CCDC27: variants seen among roughly 807,000 people sequenced by gnomAD.
CCDC27 encodes the protein coiled-coil domain containing 27, also known as coiled-coil domain-containing protein 27.
CCDC27 carries 80 observed loss-of-function variants against 80.3 expected under a neutral mutation model. That is an observed-to-expected ratio of 1.00 (90% CI 0.83 to 1.20). CCDC27 has a LOEUF of 1.20. CCDC27 is among the 50% of genes most tolerant of loss of function. CCDC27 has a pLI of 0.00. For missense variants in CCDC27, 815 were observed against 809.4 expected, an observed-to-expected ratio of 1.01 and a Z score of -0.08; for synonymous variants, 342 against 334.3, an observed-to-expected ratio of 1.02 and a Z score of -0.25.
chr1:3,753,975 T>TG, intron 1 of CCDC27, 143 bp from the exon 2 acceptor site: 3 of 1,161,726 alleles, frequency 2.6e-6, no homozygotes, highest in Non-Finnish European at 3.6e-6. Context: ...GTCCTGGGTG[T>TG]GGGGTCTGCA....
chr1:3,766,642 G>A lies in CCDC27; in HGVS notation c.1530+30G>A, dbSNP rs1371358979. The A allele has an allele frequency of 2.5e-6, 4 of 1,570,374 alleles. No homozygotes were observed. The highest frequency in any genetic ancestry group is 1.4e-5 in the African/African-American group (1 of 73,974). On this transcript the variant is annotated intron_variant, in intron 9 of 11. Coordinates refer to ENST00000294600, the MANE Select transcript of CCDC27 (RefSeq NM_152492.3). The surrounding 1 kb of genome is among the most constrained non-coding windows in gnomAD (Gnocchi z 6.1). Reference sequence around the variant, plus strand: ...CAGCCTGGGTGTCGTTAAATGATCAGCCAGGCCACTGTTCTTACTGTAAGT... The same window carrying A: ...CAGCCTGGGTGTCGTTAAATGATCAACCAGGCCACTGTTCTTACTGTAAGT...
intron 4 of CCDC27, 74 bp downstream of exon 4, chr1:3,756,964 C>T: frequency 4.0e-6 from 6 of 1,505,108 alleles, no homozygotes; most frequent in Non-Finnish European, 5.4e-6. Flanking sequence ...CAGCCCTGCT[C>T]CCTGACAGGC....
intron 4 of CCDC27, chr1:3,757,121 C>T: frequency 2.3e-6 from 1 of 436,334 alleles, no homozygotes; most frequent in Non-Finnish European, 4.2e-6. Context: ...CTCAGACTCA[C>T]CGGCACGCAT....
chr1:3,759,912 T>C (rs1284127680), intron 4 of CCDC27, among the ~76,000 whole-genome samples: 1 of 152,216 alleles, frequency 6.6e-6, no homozygotes, highest in Non-Finnish European at 1.5e-5. Context: ...AGGTCATGCG[T>C]ATGAACCATC....
rs539222201 is a variant in CCDC27 at position 3,768,203 on chromosome 1, T to C, written c.1743+758T>C. ...TTGGCCTCCCAGGCTCAAGCTGTCG[T>C]CATCCCACCTCAGCCTCCTGAGTAG... On this transcript the variant is annotated intron_variant, in intron 10 of 11. Transcript: ENST00000294600. The surrounding 1 kb of genome is among the most constrained non-coding windows in gnomAD (Gnocchi z 5.6). Among the ~76,000 whole-genome samples, 10 of 150,964 alleles carry C rather than the reference T, an allele frequency of 6.6e-5. No individual in the cohort carries two copies. The East Asian group carries it at 2.0e-3, about 30-fold the overall frequency.
In CCDC27 at chr1:3,763,248, G is replaced by A; in HGVS notation, c.1095G>A (p.Val365=). ...AWGGVSQMGS[V]HEEGSEEEEE... ...GAGGTGTGAGCCAGATGGGATCCGTGCATGAGGAGGGAAGCGAGGAGGAGG... is the reference window on the plus strand; with the variant it reads ...GAGGTGTGAGCCAGATGGGATCCGTACATGAGGAGGGAAGCGAGGAGGAGG... The change falls in exon 7 of 12, where the codon GTG becomes GTA. Residue 365 remains valine (V), a synonymous_variant. Transcript: ENST00000294600. The surrounding 1 kb of genome is among the most constrained non-coding windows in gnomAD (Gnocchi z 7.5). 1 of 1,568,582 alleles carries A rather than the reference G, an allele frequency of 6.4e-7. No individual in the cohort carries two copies. The highest frequency in any genetic ancestry group is 1.2e-5 in the South Asian group (1 of 85,488).
chr1:3,769,326 T>C lies in CCDC27; in HGVS notation c.1744-457T>C, dbSNP rs769462968. On this transcript the variant is annotated intron_variant, in intron 10 of 11. Coordinates refer to ENST00000294600, the MANE Select transcript of CCDC27 (RefSeq NM_152492.3). This position sits in a 1 kb window ranked among gnomAD's most constrained non-coding sequence, Gnocchi z 4.6. ...TGGCACAGACACCTCCTAGTCAGCA[T>C]GGAAAGGAGGAAGCACCAGCAGCGC... 4.6e-5 allele frequency among the ~76,000 whole-genome samples: 7 copies of C among 152,164 alleles called. No homozygotes were observed. Among genetic ancestry groups the C allele is most frequent in the South Asian group, 2.1e-4 (1 of 4,832 alleles).
chr1:3,767,034 TTTCACCA>T (rs769219225), intron 9 of CCDC27, among the ~76,000 whole-genome samples, 192 bp from the exon 10 acceptor site: 5 of 151,962 alleles, frequency 3.3e-5, no homozygotes, highest in African/African-American at 7.3e-5. Flanking sequence ...AGAGACAGGG[TTTCACCA>T]TGTTGGTCAG....
intron 4 of CCDC27, among the ~76,000 whole-genome samples, chr1:3,757,974 C>G (rs895708169): frequency 6.6e-6 from 1 of 151,748 alleles, no homozygotes; most frequent in African/African-American, 2.4e-5. Context: ...AGGCAGGTCT[C>G]GAACTCCTGG....
At position 3,769,952 on chromosome 1, in the gene CCDC27, G is replaced by A. The variant is rs1570723911; in HGVS notation, c.1848+65G>A. Reference sequence around the variant, plus strand: ...ACCCCCAGGCCAGAGCTGTGGTAGGGGGTTGTGGGGGGCCTAGATTCCAGG... The same window carrying A: ...ACCCCCAGGCCAGAGCTGTGGTAGGAGGTTGTGGGGGGCCTAGATTCCAGG... On this transcript the variant is annotated intron_variant, in intron 11 of 11. Coordinates refer to ENST00000294600, the MANE Select transcript of CCDC27 (RefSeq NM_152492.3). The surrounding 1 kb of genome is among the most constrained non-coding windows in gnomAD (Gnocchi z 4.6). The A allele has an allele frequency of 2.6e-6, 3 of 1,143,276 alleles. No homozygotes were observed. The highest frequency in any genetic ancestry group is 4.7e-5 in the East Asian group (2 of 42,740). The allele number at this position is 1,143,276 out of a possible 1,614,324, so 70.8% of individuals were successfully genotyped here. A position where few individuals can be genotyped will look rare whatever the true frequency, so the allele number is the denominator to read the frequency against.
chr1:3,767,393 T>C lies in CCDC27; in HGVS notation c.1691T>C (p.Ile564Thr), dbSNP rs146757641. The change falls in exon 10 of 12, where the codon ATT becomes ACT. Residue 564 changes from isoleucine to threonine, a missense_variant. Transcript: ENST00000294600. ...QEDLQSKKEM[I>T]QQAEQHTRVA... The stretch of plus-strand genomic sequence containing the variant: ...GATTTGCAGAGCAAGAAGGAGATGA[T>C]TCAGCAGGCAGAGCAGCACACCCGC... 59 of 1,613,654 alleles carry C rather than the reference T, an allele frequency of 3.7e-5. No individual in the cohort carries two copies. Among genetic ancestry groups the C allele is most frequent in the Admixed American group, 5.0e-5 (3 of 60,012 alleles).
intron 1 of CCDC27, 73 bp from the exon 2 acceptor site, chr1:3,754,045 G>A (rs1642890411): frequency 1.2e-5 from 19 of 1,572,714 alleles, no homozygotes; most frequent in Non-Finnish European, 1.6e-5. Context: ...TAGGGAAACA[G>A]GGTCTGCCCT....
Position 3,763,212 on chromosome 1 carries a change from G to A in CCDC27, c.1059G>A (p.Thr353=), listed in dbSNP as rs750596926. Residue 353 remains threonine, a synonymous_variant, in exon 7 of 12, where the codon ACG becomes ACA. Coordinates refer to ENST00000294600, the MANE Select transcript of CCDC27 (RefSeq NM_152492.3). This position sits in a 1 kb window ranked among gnomAD's most constrained non-coding sequence, Gnocchi z 7.5. ...GGGAGCCCGATGGGGTGGAGGACAC[G>A]GGTGCCTGGGGAGGTGTGAGCCAGA... is the stretch of plus-strand genomic sequence containing the variant. ...LEGEPDGVED[T]GAWGGVSQMG... 29 of 1,536,082 alleles carry A rather than the reference G, an allele frequency of 1.9e-5. No individual in the cohort carries two copies. Among genetic ancestry groups the A allele is most frequent in the Middle Eastern group, 1.7e-4 (1 of 5,736 alleles).
rs565221821 is a variant in CCDC27, at chr1:3,766,691, G to A, written c.1530+79G>A. On this transcript the variant is annotated intron_variant, in intron 9 of 11. Coordinates refer to ENST00000294600, the MANE Select transcript of CCDC27 (RefSeq NM_152492.3). This position sits in a 1 kb window ranked among gnomAD's most constrained non-coding sequence, Gnocchi z 6.1. ...GTCCCAACACAGCAAAGGGCAAGAC[G>A]GGGCTGGAGCGTCTTCACAGCTGAG... 20 of 1,219,386 alleles carry A rather than the reference G, an allele frequency of 1.6e-5. No homozygotes were observed. Among genetic ancestry groups the A allele is most frequent in the Middle Eastern group, 2.1e-4 (1 of 4,854 alleles). The allele number at this position is 1,219,386 out of a possible 1,614,324, so 75.5% of individuals were successfully genotyped here.
chr1:3,763,064 G>T lies in CCDC27; in HGVS notation c.955-44G>T. The T allele has an allele frequency of 6.9e-7, 1 of 1,451,158 alleles. No homozygotes were observed. The highest frequency in any genetic ancestry group is 9.1e-7 in the Non-Finnish European group (1 of 1,101,000). 89.9% of individuals were successfully genotyped at this position (1,451,158 alleles called of 1,614,324 possible). A position where few individuals can be genotyped will look rare whatever the true frequency, so the allele number is the denominator to read the frequency against. On this transcript the variant is annotated intron_variant, in intron 6 of 11. Transcript: ENST00000294600. The surrounding 1 kb of genome is among the most constrained non-coding windows in gnomAD (Gnocchi z 7.5). ...AGCATTAGAGCCCTCTGCCCTGGGG[G>T]TGCCCCGCAGCCCTGCCCAGCCCCT... is the stretch of plus-strand genomic sequence containing the variant.
In CCDC27 at chr1:3,763,029, C is replaced by G; in HGVS notation, c.955-79C>G. On this transcript the variant is annotated intron_variant, in intron 6 of 11. Transcript: ENST00000294600. The surrounding 1 kb of genome is among the most constrained non-coding windows in gnomAD (Gnocchi z 7.5). ...TGGAAGGAGGCGCCCTCCCCGGTGC[C>G]CCCGCCATGAGCATTAGAGCCCTCT... is the stretch of plus-strand genomic sequence containing the variant. 1 of 1,419,594 alleles carries G rather than the reference C, an allele frequency of 7.0e-7. No individual in the cohort carries two copies. Among genetic ancestry groups the G allele is most frequent in the Non-Finnish European group, 9.2e-7 (1 of 1,082,744 alleles). 87.9% of individuals were successfully genotyped at this position (1,419,594 alleles called of 1,614,324 possible).
At chr1:3,755,639 C>A in intron 3 of CCDC27, 72 bp downstream of exon 3, 2 of 1,286,052 alleles carry the variant, frequency 1.6e-6, no homozygotes, top group South Asian at 1.2e-5. Flanking sequence ...CTTGCAGGGT[C>A]GCTGCTTGTG....
At chr1:3,755,331 T>C in intron 2 of CCDC27, 126 bp from the exon 3 acceptor site, 2 of 762,500 alleles carry the variant, frequency 2.6e-6, no homozygotes, top group South Asian at 3.1e-5. Flanking sequence ...CTCAGTCCCA[T>C]GCATCCATTA....
chr1:3,765,257 C>G (rs1643201339), intron 8 of CCDC27, among the ~76,000 whole-genome samples: 2 of 152,206 alleles, frequency 1.3e-5, no homozygotes, highest in South Asian at 4.1e-4. Context: ...GGTTGTTCCT[C>G]TCTGGAAAGT....
Sources: gnomAD v4.1 joint callset for allele counts (sites outside exome capture counted in the v4.1 genomes callset) on GRCh38, gnomAD v4.1.1 for gene constraint, Gnocchi (gnomAD v3.1) non-coding constraint, MANE v1.5 for transcripts, NCBI Gene and HGNC (gene_info 2026-07-23, HGNC 2026-07-21) for gene names.